Variants in MIPOL1 observed in about 807,000 individuals in gnomAD.
The protein encoded by MIPOL1 is mirror-image polydactyly 1.
In MIPOL1, 57 loss-of-function variants were observed where a neutral mutation model predicts 60.9. That is an observed-to-expected ratio of 0.94 (90% CI 0.76 to 1.17). MIPOL1 has a LOEUF of 1.17. Ranked by LOEUF, MIPOL1 falls within the 50% of genes most tolerant of loss-of-function variation. MIPOL1 has a pLI of 0.00. For synonymous variants in MIPOL1, 179 were observed against 168.8 expected, an observed-to-expected ratio of 1.06 and a Z score of -0.47; for missense variants, 551 against 511.6, an observed-to-expected ratio of 1.08 and a Z score of -0.74.
chr14:37,485,628 T>A (rs541375151), intron 11 of MIPOL1, among the ~76,000 whole-genome samples: 1 of 152,236 alleles, frequency 6.6e-6, no homozygotes, highest in Non-Finnish European at 1.5e-5. Flanking sequence ...ATTAATGTCT[T>A]CTTTTGAGAA....
chr14:37,431,283 AT>A (rs1251718645), intron 11 of MIPOL1, among the ~76,000 whole-genome samples: 1 of 152,122 alleles, frequency 6.6e-6, no homozygotes, highest in Non-Finnish European at 1.5e-5. Flanking sequence ...GCTTTCTTAA[AT>A]TTAATTTATA....
At chr14:37,258,182 C>T (rs2153372784) in intron 3 of MIPOL1, among the ~76,000 whole-genome samples, 1 of 152,170 alleles carries the variant, frequency 6.6e-6, no homozygotes, top group South Asian at 2.1e-4. Flanking sequence ...TTTTCCAAAT[C>T]TAAATATATT....
At chr14:37,248,051 C>T (rs1973457237) in intron 3 of MIPOL1, 144 bp downstream of exon 3, 1 of 663,928 alleles carries the variant, frequency 1.5e-6, no homozygotes, top group Admixed American at 3.1e-5. Flanking sequence ...ACACAGAGAC[C>T]CAGGGATTAT....
chr14:37,389,857 TAA>T (rs1369133455), intron 10 of MIPOL1, among the ~76,000 whole-genome samples: 1 of 151,648 alleles, frequency 6.6e-6, no homozygotes, highest in Admixed American at 6.6e-5. Flanking sequence ...GTTTGGAGAT[TAA>T]AAACAAACAA....
intron 1 of MIPOL1, among the ~76,000 whole-genome samples, chr14:37,234,838 C>G (rs574359688): frequency 6.6e-6 from 1 of 151,514 alleles, no homozygotes; most frequent in East Asian, 1.9e-4. Context: ...TGTAGCGGCA[C>G]GATCTCGACT....
At chr14:37,537,021 C>A (rs566891604) in intron 12 of MIPOL1, among the ~76,000 whole-genome samples, 1 of 152,052 alleles carries the variant, frequency 6.6e-6, no homozygotes, top group Non-Finnish European at 1.5e-5. Flanking sequence ...TGAAATGTAT[C>A]TAAACAAAAC....
At chr14:37,268,891 C>A in intron 5 of MIPOL1, 98 bp downstream of exon 5, 1 of 1,008,922 alleles carries the variant, frequency 9.9e-7, no homozygotes, top group Non-Finnish European at 1.4e-6. Flanking sequence ...TTATTTTGCA[C>A]TTTAATCATT....
chr14:37,313,555 A>G (rs1239156084), intron 9 of MIPOL1, among the ~76,000 whole-genome samples: 1 of 152,122 alleles, frequency 6.6e-6, no homozygotes, highest in Non-Finnish European at 1.5e-5. Context: ...GAATGGGGGT[A>G]ACTGTATGGA....
intron 9 of MIPOL1, among the ~76,000 whole-genome samples, chr14:37,309,807 C>T (rs951164916): frequency 6.6e-6 from 1 of 151,834 alleles, no homozygotes; most frequent in Non-Finnish European, 1.5e-5. Flanking sequence ...CTGTCTCAGC[C>T]TCCTGAGTAG....
intron 10 of MIPOL1, among the ~76,000 whole-genome samples, chr14:37,414,841 A>G (rs2093736749): frequency 6.6e-6 from 1 of 152,182 alleles, no homozygotes; most frequent in Non-Finnish European, 1.5e-5. Flanking sequence ...AACTCAGGCT[A>G]GTTGACTGAG....
chr14:37,295,716 C>G (rs185635615), intron 7 of MIPOL1, among the ~76,000 whole-genome samples: 1 of 152,096 alleles, frequency 6.6e-6, no homozygotes, highest in Admixed American at 6.6e-5. Flanking sequence ...AAGGCCATTG[C>G]ATAATGGTAA....
intron 9 of MIPOL1, among the ~76,000 whole-genome samples, chr14:37,359,922 T>G (rs10146640): frequency 2.0e-5 from 3 of 152,190 alleles, no homozygotes; most frequent in African/African-American, 7.2e-5. Flanking sequence ...ATGCTTCCAG[T>G]TTTTTCCCAT....
chr14:37,334,566 T>G (rs1192522464), intron 9 of MIPOL1, among the ~76,000 whole-genome samples: 1 of 151,974 alleles, frequency 6.6e-6, no homozygotes, highest in Non-Finnish European at 1.5e-5. Context: ...ATAATATTTT[T>G]CGGTATATTC....
intron 7 of MIPOL1, among the ~76,000 whole-genome samples, chr14:37,296,994 C>G (rs1387169446): frequency 6.6e-6 from 1 of 152,164 alleles, no homozygotes; most frequent in East Asian, 1.9e-4. Flanking sequence ...CTGGCAGAGA[C>G]ACAACAAAAA....
intron 10 of MIPOL1, among the ~76,000 whole-genome samples, chr14:37,413,288 G>A (rs1236309823): frequency 6.6e-6 from 1 of 152,016 alleles, no homozygotes; most frequent in Non-Finnish European, 1.5e-5. Flanking sequence ...TGTAAATATT[G>A]AAACAAATAG....
At chr14:37,271,251 G>C (rs1423454922) in intron 6 of MIPOL1, among the ~76,000 whole-genome samples, 1 of 151,934 alleles carries the variant, frequency 6.6e-6, no homozygotes, top group African/African-American at 2.4e-5. Flanking sequence ...AGTATGTTAA[G>C]GAAAGAGAAA....
intron 10 of MIPOL1, among the ~76,000 whole-genome samples, chr14:37,386,383 C>T (rs1226718424): frequency 6.6e-6 from 1 of 151,900 alleles, no homozygotes; most frequent in Admixed American, 6.6e-5. Flanking sequence ...CAGTAGCAGA[C>T]ATTTCCATGA....
chr14:37,235,897 C>T (rs897792271), intron 1 of MIPOL1, among the ~76,000 whole-genome samples: 1 of 151,908 alleles, frequency 6.6e-6, no homozygotes, highest in African/African-American at 2.4e-5. Flanking sequence ...GTTCCAGTTT[C>T]TCCATGACCT....
chr14:37,548,503 C>G lies in MIPOL1; in HGVS notation c.*1532C>G, dbSNP rs1210023296. 6.6e-6 allele frequency: 1 copy of G among 151,988 alleles called. No homozygotes were observed. Among genetic ancestry groups the G allele is most frequent in the Non-Finnish European group, 1.5e-5 (1 of 67,866 alleles). The allele number at this position is 151,988 out of a possible 1,614,324, so 9.4% of individuals were successfully genotyped here. On this transcript the variant is annotated 3_prime_UTR_variant, in exon 13 of 13. Transcript: ENST00000684589. The stretch of plus-strand genomic sequence containing the variant: ...ATAGTCCTAAAGAGAATTATATCCT[C>G]TCATAGACCAATGACTCTATAATAG...
Sources: allele counts gnomAD v4.1 joint callset (sites outside exome capture counted in the v4.1 genomes callset), GRCh38; gene constraint gnomAD v4.1.1; transcripts MANE v1.5; gene names NCBI Gene and HGNC (gene_info 2026-07-23, HGNC 2026-07-21).